EYA2: variants seen among roughly 807,000 people sequenced by gnomAD.
EYA2 encodes protein phosphatase EYA2.
EYA2 carries 31 observed loss-of-function variants against 69.2 expected under a neutral mutation model. The observed-to-expected ratio is 0.45, with a 90% confidence interval of 0.34 to 0.60. The LOEUF is 0.60. EYA2 is among the 20% of genes least tolerant of loss of function. EYA2 has a pLI of 0.02. For synonymous variants in EYA2, 257 were observed against 279.4 expected (o/e 0.92, Z 0.80); for missense variants, 622 against 701.2 (o/e 0.89, Z 1.28).
At chr20:47,082,259 T>C (rs986564048) in intron 7 of EYA2, among the ~76,000 whole-genome samples, 5 of 152,282 alleles carry the variant, frequency 3.3e-5, no homozygotes, top group East Asian at 3.9e-4. Context: ...ATATGATTAT[T>C]TAACTTAATT....
chr20:47,140,038 C>G (rs754467156), intron 9 of EYA2, among the ~76,000 whole-genome samples: 2 of 152,154 alleles, frequency 1.3e-5, no homozygotes, highest in African/African-American at 2.4e-5. Context: ...TGACAACTTT[C>G]AGAATAAATC....
At chr20:47,133,797 G>A (rs1365033499) in intron 9 of EYA2, among the ~76,000 whole-genome samples, 1 of 152,186 alleles carries the variant, frequency 6.6e-6, no homozygotes, top group Non-Finnish European at 1.5e-5. Context: ...GCCAACCAGG[G>A]AAGCCCACTT....
chr20:46,900,858 G>C (rs6018143), intron 1 of EYA2, among the ~76,000 whole-genome samples: 2 of 152,194 alleles, frequency 1.3e-5, no homozygotes, highest in East Asian at 3.9e-4. Flanking sequence ...GAGAAAACAC[G>C]GGGAATTCTC....
At chr20:46,987,964 C>CTCTCTCTCTCTATATATA (rs1555809797) in intron 1 of EYA2, among the ~76,000 whole-genome samples, 1 of 11,272 alleles carries the variant, frequency 8.9e-5, no homozygotes, top group Non-Finnish European at 1.7e-4. Context: ...CTCTCTCTCT[C>CTCTCTCTCTCTATATATA]TATATATATA....
At chr20:47,169,245 A>G (rs1360631666) in intron 11 of EYA2, 48 bp downstream of exon 11, 3 of 1,558,248 alleles carry the variant, frequency 1.9e-6, no homozygotes, top group Non-Finnish European at 2.7e-6. Flanking sequence ...TTGATTGATT[A>G]TCAAGTTATC....
intron 12 of EYA2, among the ~76,000 whole-genome samples, chr20:47,177,646 T>C (rs1003998782): frequency 1.3e-5 from 2 of 152,228 alleles, no homozygotes; most frequent in African/African-American, 4.8e-5. Context: ...GAGCTGGCGG[T>C]GTCCAGATGA....
intron 9 of EYA2, among the ~76,000 whole-genome samples, chr20:47,127,458 G>T (rs1466048192): frequency 2.0e-5 from 3 of 152,152 alleles, no homozygotes; most frequent in African/African-American, 7.2e-5. Flanking sequence ...ACCAAAATTA[G>T]CCAGCTGTAG....
chr20:47,047,468 C>A (rs1005109522), intron 5 of EYA2, among the ~76,000 whole-genome samples: 1 of 151,718 alleles, frequency 6.6e-6, no homozygotes, highest in Non-Finnish European at 1.5e-5. Flanking sequence ...CTCACTGCAA[C>A]CTCCGCCTCC....
chr20:47,028,727 T>G (rs1395114776), intron 5 of EYA2, among the ~76,000 whole-genome samples: 4 of 151,798 alleles, frequency 2.6e-5, no homozygotes, highest in Admixed American at 2.6e-4. Flanking sequence ...CAAGACAGAG[T>G]CTGCAACTGT....
chr20:47,136,893 T>G (rs2033489489), intron 9 of EYA2, among the ~76,000 whole-genome samples: 1 of 152,068 alleles, frequency 6.6e-6, no homozygotes, highest in African/African-American at 2.4e-5. Context: ...CACCACACCA[T>G]CATAAAAACT....
intron 1 of EYA2, among the ~76,000 whole-genome samples, chr20:46,918,377 C>T (rs1055965955): frequency 1.3e-5 from 2 of 151,556 alleles, no homozygotes; most frequent in African/African-American, 2.4e-5. Flanking sequence ...GGCACGATCT[C>T]GGCTCACTGC....
At chr20:47,116,227 G>C (rs983040770) in intron 9 of EYA2, among the ~76,000 whole-genome samples, 1 of 141,022 alleles carries the variant, frequency 7.1e-6, no homozygotes, top group Non-Finnish European at 1.5e-5. Context: ...GCCCAGGCTG[G>C]AGTGCAGTGG....
At chr20:46,927,060 A>G (rs1292026724) in intron 1 of EYA2, among the ~76,000 whole-genome samples, 1 of 152,188 alleles carries the variant, frequency 6.6e-6, no homozygotes, top group Non-Finnish European at 1.5e-5. Flanking sequence ...CTTCAGTGGC[A>G]GTCATTTTCC....
chr20:47,059,743 C>A (rs1289542989), intron 5 of EYA2, among the ~76,000 whole-genome samples: 1 of 152,200 alleles, frequency 6.6e-6, no homozygotes, highest in African/African-American at 2.4e-5. Context: ...AGAATTTTGG[C>A]CATGGTTGTG....
At chr20:47,032,667 C>G (rs1174571308) in intron 5 of EYA2, among the ~76,000 whole-genome samples, 2 of 152,300 alleles carry the variant, frequency 1.3e-5, no homozygotes, top group South Asian at 4.1e-4. Flanking sequence ...AGTACTGCAT[C>G]GAGAAAGCCA....
intron 1 of EYA2, among the ~76,000 whole-genome samples, chr20:46,944,286 G>A (rs1206746): frequency 0.36 from 55,408 of 151,924 alleles, 11,079 homozygotes; most frequent in Non-Finnish European, 0.46. Context: ...AAGGGTCAGG[G>A]TTCGAGACAA....
At chr20:47,155,791 T>C (rs1488392476) in intron 10 of EYA2, among the ~76,000 whole-genome samples, 1 of 151,618 alleles carries the variant, frequency 6.6e-6, no homozygotes, top group Non-Finnish European at 1.5e-5. Context: ...GCCAAATGAC[T>C]TCTCTGCTAA....
intron 10 of EYA2, among the ~76,000 whole-genome samples, chr20:47,153,911 A>G (rs2033871268): frequency 3.9e-5 from 6 of 151,990 alleles, no homozygotes; most frequent in Admixed American, 3.3e-4. Context: ...TCTGAACCAG[A>G]TCTCAATAAT....
chr20:46,899,760 C>T (rs934720836), intron 1 of EYA2, among the ~76,000 whole-genome samples: 1 of 152,168 alleles, frequency 6.6e-6, no homozygotes, highest in African/African-American at 2.4e-5. Context: ...CAGCAGGCTG[C>T]GGGTCAGTGG....
Sources: allele counts gnomAD v4.1 joint callset (sites outside exome capture counted in the v4.1 genomes callset), GRCh38; gene constraint gnomAD v4.1.1; transcripts MANE v1.5; gene names NCBI Gene and HGNC (gene_info 2026-07-23, HGNC 2026-07-21).